The following SYNPO2 variants were observed in gnomAD, a reference collection of about 807,000 sequenced individuals.
SYNPO2 encodes synaptopodin-2.
In SYNPO2, 56 loss-of-function variants were observed where a neutral mutation model predicts 85.0. The ratio of observed to expected loss-of-function variants is 0.66; its 90% confidence interval spans 0.53 to 0.82. SYNPO2 has a LOEUF of 0.82. SYNPO2 is among the 40% of genes least tolerant of loss of function. The pLI, the probability that SYNPO2 is intolerant of heterozygous loss-of-function variation, is 0.00. For missense variants in SYNPO2, 1,575 were observed against 1,534.2 expected (o/e 1.03, Z -0.44); for synonymous variants, 602 against 591.1 (o/e 1.02, Z -0.27).
chr4:118,862,697 A>T (rs1731631096), intron 1 of SYNPO2, among the ~76,000 whole-genome samples: 1 of 152,118 alleles, frequency 6.6e-6, no homozygotes, highest in Non-Finnish European at 1.5e-5. Flanking sequence ...ATGATGAATG[A>T]TCTTTTTAAT....
intron 1 of SYNPO2, among the ~76,000 whole-genome samples, chr4:118,964,803 A>C (rs1735250347): frequency 6.6e-6 from 1 of 152,206 alleles, no homozygotes; most frequent in Non-Finnish European, 1.5e-5. Context: ...ATGTTCTTAC[A>C]AACAAGAAAA....
chr4:118,917,220 C>T (rs935527281), intron 1 of SYNPO2, among the ~76,000 whole-genome samples: 2 of 151,978 alleles, frequency 1.3e-5, no homozygotes, highest in South Asian at 2.1e-4. Flanking sequence ...GATGAAACCC[C>T]GTCTCTACTA....
At chr4:118,956,212 G>A (rs1341466935) in intron 1 of SYNPO2, among the ~76,000 whole-genome samples, 1 of 152,108 alleles carries the variant, frequency 6.6e-6, no homozygotes, top group East Asian at 1.9e-4. Flanking sequence ...AGAGAAACTG[G>A]GGGGCTAACA....
At chr4:118,980,896 A>G (rs1254063121) in intron 1 of SYNPO2, among the ~76,000 whole-genome samples, 1 of 152,206 alleles carries the variant, frequency 6.6e-6, no homozygotes, top group Non-Finnish European at 1.5e-5. Context: ...CACTTTGCCT[A>G]TGTGGAAACT....
chr4:118,862,386 G>T (rs924639234), intron 1 of SYNPO2, among the ~76,000 whole-genome samples: 1 of 152,084 alleles, frequency 6.6e-6, no homozygotes, highest in Non-Finnish European at 1.5e-5. Context: ...GTGACAGTGG[G>T]CATCCTTGTG....
chr4:118,860,713 G>A (rs1382994363), intron 1 of SYNPO2, among the ~76,000 whole-genome samples: 2 of 151,868 alleles, frequency 1.3e-5, no homozygotes, highest in Non-Finnish European at 2.9e-5. Context: ...ATGCCACCAA[G>A]TGCAGCTAAT....
At chr4:118,948,749 A>G (rs1734588996) in intron 1 of SYNPO2, among the ~76,000 whole-genome samples, 1 of 152,198 alleles carries the variant, frequency 6.6e-6, no homozygotes, top group Non-Finnish European at 1.5e-5. Context: ...ACTGTGGGGA[A>G]GGCACCAAGA....
At position 119,031,664 on chromosome 4, in the gene SYNPO2, T is replaced by C. The variant is rs571217356; in HGVS notation, c.2889T>C (p.Asp963=). 1 of 1,614,156 alleles carries C rather than the reference T, an allele frequency of 6.2e-7. No homozygotes were observed. The highest frequency in any genetic ancestry group is 1.3e-5 in the African/African-American group (1 of 75,034). ...KKGKKPLNAL[D]VMKHQPYQLN... is the part of the protein sequence containing the mutation. ...GAAAGAAACCCCTCAATGCATTAGATGTCATGAAGCACCAACCGTATCAGC... is the reference window on the plus strand; with the variant it reads ...GAAAGAAACCCCTCAATGCATTAGACGTCATGAAGCACCAACCGTATCAGC... Residue 963 remains aspartate, a synonymous_variant, in exon 4 of 5, where the codon GAT becomes GAC. Coordinates refer to ENST00000307142, the MANE Select transcript of SYNPO2 (RefSeq NM_133477.3).
Position 119,030,380 on chromosome 4 carries a change from T to C in SYNPO2, c.1605T>C (p.Ser535=). 2 of 1,614,110 alleles carry C rather than the reference T, an allele frequency of 1.2e-6. No individual in the cohort carries two copies. The highest frequency in any genetic ancestry group is 1.7e-6 in the Non-Finnish European group (2 of 1,180,028). The change falls in exon 4 of 5, where the codon TCT becomes TCC. Residue 535 remains serine, a synonymous_variant. Coordinates refer to ENST00000307142, the MANE Select transcript of SYNPO2 (RefSeq NM_133477.3). ...AQTDGLRTTT[S]YQRKEEESVR... is the part of the protein sequence containing the mutation. Reference sequence around the variant, plus strand: ...CCGATGGCCTGAGAACCACGACTTCTTACCAAAGAAAGGAGGAAGAGTCGG... The same window carrying C: ...CCGATGGCCTGAGAACCACGACTTCCTACCAAAGAAAGGAGGAAGAGTCGG...
chr4:119,027,490 C>A, intron 3 of SYNPO2, 52 bp downstream of exon 3: 1 of 1,454,486 alleles, frequency 6.9e-7, no homozygotes. Context: ...GGGCATTTTG[C>A]TGCTTCTTTG....
At chr4:118,888,653 T>C (rs1461619030), upstream of SYNPO2, among the ~76,000 whole-genome samples, 1 of 152,220 alleles carries the variant, frequency 6.6e-6, no homozygotes, top group Admixed American at 6.5e-5. Flanking sequence ...TGCTTGGATT[T>C]AATCTGTTAG....
chr4:119,034,193 T>C (rs1738403139), intron 4 of SYNPO2: 2 of 985,352 alleles, frequency 2.0e-6, no homozygotes, highest in Admixed American at 6.1e-5. Context: ...AAAAAAGGCT[T>C]CTTATGGTGC....
chr4:118,946,785 T>G (rs936273005), intron 1 of SYNPO2, among the ~76,000 whole-genome samples: 4 of 152,232 alleles, frequency 2.6e-5, no homozygotes, highest in Admixed American at 2.6e-4. Context: ...TAATTTAGCA[T>G]GCCCTCTTTC....
In SYNPO2 at chr4:119,029,947, C is replaced by G; in HGVS notation, c.1172C>G (p.Ser391Cys). 4 of 1,613,916 alleles carry G rather than the reference C, an allele frequency of 2.5e-6. No homozygotes were observed. The highest frequency in any genetic ancestry group is 3.4e-6 in the Non-Finnish European group (4 of 1,179,996). ...LLLTDAPNPNSKGVLMFKKRR... is the reference protein window; with the variant it reads ...LLLTDAPNPNCKGVLMFKKRR... Reference sequence around the variant, plus strand: ...CTAACGGATGCTCCCAACCCCAACTCCAAGGGGGTGTTGATGTTTAAGAAG... The same window carrying G: ...CTAACGGATGCTCCCAACCCCAACTGCAAGGGGGTGTTGATGTTTAAGAAG... The change falls in exon 4 of 5, where the codon TCC becomes TGC. Residue 391 changes from serine (S) to cysteine (C), a missense_variant. Physicochemically the swap from Ser to Cys is moderately radical, Grantham distance 112 (BLOSUM62 -1). Coordinates refer to ENST00000307142, the MANE Select transcript of SYNPO2 (RefSeq NM_133477.3).
chr4:119,042,055 A>G (rs1273655658), intron 4 of SYNPO2: 1 of 150,774 alleles, frequency 6.6e-6, no homozygotes, highest in Admixed American at 6.7e-5. Flanking sequence ...TGTAAACTGC[A>G]CCTGCTTCCA....
chr4:118,873,268 C>T lies in SYNPO2; in HGVS notation c.12+22328C>T, dbSNP rs763647615. Among the ~76,000 whole-genome samples, 7 of 152,164 alleles carry T rather than the reference C, an allele frequency of 4.6e-5. No individual in the cohort carries two copies. In the South Asian group the frequency reaches 1.2e-3, roughly 27 times the overall value. On this transcript the variant is annotated intron_variant, in intron 1 of 4. Transcript: ENST00000610556. ...TAATTTTAGTTCTTTGAGAAATCTC[C>T]GTATTGTTTTCCACAGAGGTTGTAC... is the stretch of plus-strand genomic sequence containing the variant.
chr4:118,975,138 A>G (rs1297664977), intron 1 of SYNPO2, among the ~76,000 whole-genome samples: 1 of 152,168 alleles, frequency 6.6e-6, no homozygotes, highest in African/African-American at 2.4e-5. Context: ...CTCCAGGAGT[A>G]CACCAGACTC....
In SYNPO2 at chr4:119,030,295, C is replaced by T; in HGVS notation, c.1520C>T (p.Ala507Val). 6.2e-7 allele frequency: 1 copy of T among 1,613,788 alleles called. No individual in the cohort carries two copies. Among genetic ancestry groups the T allele is most frequent in the South Asian group, 1.1e-5 (1 of 91,042 alleles). The change falls in exon 4 of 5, where the codon GCC (alanine) becomes GTC (valine). Residue 507 changes from alanine (A) to valine (V), a missense_variant. Physicochemically the swap from Ala to Val is moderately conservative, Grantham distance 64. Transcript: ENST00000307142. Reference protein sequence around the residue: ...KRRERMDQITAQKEEDKVGGT... With the variant: ...KRRERMDQITVQKEEDKVGGT... ...AGGGAGAGAATGGATCAGATCACAG[C>T]CCAAAAAGAAGAGGACAAGGTAGGT...
rs138089434 is a variant in SYNPO2 at position 119,060,714 on chromosome 4, T to C, written c.*2780T>C. ...AAAGAGTTTGAGTTTTACTGTGGAT[T>C]AAAAAGCCTTCCCTAAAAAGAGAGC... On this transcript the variant is annotated 3_prime_UTR_variant, in exon 5 of 5. Transcript: ENST00000307142. 84 of 152,310 alleles carry C rather than the reference T, an allele frequency of 5.5e-4. No homozygotes were observed. The highest frequency in any genetic ancestry group is 1.9e-3 in the African/African-American group (80 of 41,590). 9.4% of individuals were successfully genotyped at this position (152,310 alleles called of 1,614,324 possible).
Sources: allele counts gnomAD v4.1 joint callset (sites outside exome capture counted in the v4.1 genomes callset), GRCh38; gene constraint gnomAD v4.1.1; transcripts MANE v1.5; gene names NCBI Gene and HGNC (gene_info 2026-07-23, HGNC 2026-07-21).